Variants in HS6ST3 observed in about 807,000 individuals in gnomAD.
HS6ST3 encodes the protein heparan-sulfate 6-O-sulfotransferase 3.
HS6ST3 carries 12 observed loss-of-function variants against 36.7 expected under a neutral mutation model. That is an observed-to-expected ratio of 0.33 (90% confidence interval 0.21 to 0.53). HS6ST3 has a LOEUF of 0.53. HS6ST3 is among the 20% of genes least tolerant of loss of function. The pLI, the probability that HS6ST3 is intolerant of heterozygous loss-of-function variation, is 0.95. For missense variants in HS6ST3, 584 were observed against 640.9 expected (o/e 0.91, Z 0.96); for synonymous variants, 240 against 257.5 (o/e 0.93, Z 0.65).
chr13:96,592,720 A>T (rs2056387024), intron 1 of HS6ST3, among the ~76,000 whole-genome samples: 1 of 151,414 alleles, frequency 6.6e-6, no homozygotes, highest in Non-Finnish European at 1.5e-5. Context: ...AGGGTACAAT[A>T]TTTTTTTTCC....
intron 1 of HS6ST3, among the ~76,000 whole-genome samples, chr13:96,740,941 GCA>G (rs1876422265): frequency 6.6e-6 from 1 of 152,178 alleles, no homozygotes; most frequent in Non-Finnish European, 1.5e-5. Context: ...CCAGATAGCA[GCA>G]CGTAACTGTG....
chr13:96,266,042 G>T (rs1225329087), intron 1 of HS6ST3, among the ~76,000 whole-genome samples: 1 of 151,660 alleles, frequency 6.6e-6, no homozygotes, highest in Non-Finnish European at 1.5e-5. Context: ...CTCTTGCAGG[G>T]TTATTTTTTT....
rs902280935 is a variant in HS6ST3 at position 96,574,302 on chromosome 13, G to C, written c.708-258188G>C. On this transcript the variant is annotated intron_variant, in intron 1 of 1. Transcript: ENST00000376705. ...TTCATTAAGGAAAAAGGCATCAAAC[G>C]TACCGCCTCATTTTCACCTGAGTCC... 3 of 379,488 alleles carry C rather than the reference G, an allele frequency of 7.9e-6. No homozygotes were observed. In the East Asian group the frequency reaches 1.9e-4, roughly 24 times the overall value. The allele number at this position is 379,488 out of a possible 1,614,324, so 23.5% of individuals were successfully genotyped here.
At chr13:96,143,303 G>GTAA (rs2054040974) in intron 1 of HS6ST3, among the ~76,000 whole-genome samples, 1 of 151,444 alleles carries the variant, frequency 6.6e-6, no homozygotes, top group Admixed American at 6.6e-5. Context: ...TAGTGACACA[G>GTAA]TAATGTCTCT....
chr13:96,212,801 G>T (rs746523327), intron 1 of HS6ST3, among the ~76,000 whole-genome samples: 1 of 152,164 alleles, frequency 6.6e-6, no homozygotes, highest in Non-Finnish European at 1.5e-5. Flanking sequence ...ATATGGGTTT[G>T]CTGCTTCAGT....
At chr13:96,526,667 C>G (rs7993503) in intron 1 of HS6ST3, among the ~76,000 whole-genome samples, 2,686 of 152,222 alleles carry the variant, frequency 0.018, 81 homozygotes, top group African/African-American at 0.06. Flanking sequence ...TAAGTTGAAC[C>G]CTTTTCTTAT....
At chr13:96,591,679 G>T (rs1261582587) in intron 1 of HS6ST3, among the ~76,000 whole-genome samples, 5 of 151,974 alleles carry the variant, frequency 3.3e-5, no homozygotes, top group African/African-American at 1.2e-4. Context: ...CAAACTGGAT[G>T]CCCTTTATAT....
intron 1 of HS6ST3, among the ~76,000 whole-genome samples, chr13:96,291,489 A>G (rs909622420): frequency 6.6e-6 from 1 of 152,154 alleles, no homozygotes; most frequent in Non-Finnish European, 1.5e-5. Flanking sequence ...TCCACGTGCT[A>G]GTGTGGAAAG....
chr13:96,357,303 C>T (rs1045069316), intron 1 of HS6ST3, among the ~76,000 whole-genome samples: 5 of 152,294 alleles, frequency 3.3e-5, no homozygotes, highest in African/African-American at 7.2e-5. Flanking sequence ...GGCTAAATGG[C>T]GTAAGAGGCC....
chr13:96,741,933 T>C (rs1876449020), intron 1 of HS6ST3, among the ~76,000 whole-genome samples: 4 of 152,158 alleles, frequency 2.6e-5, no homozygotes, highest in Admixed American at 2.6e-4. Context: ...CTCTTCCCAT[T>C]CATGCTACTC....
chr13:96,182,159 T>A (rs1374205246), intron 1 of HS6ST3, among the ~76,000 whole-genome samples: 3 of 152,226 alleles, frequency 2.0e-5, no homozygotes, highest in Non-Finnish European at 4.4e-5. Context: ...AGGCTGTTCA[T>A]ATAAAACATT....
At chr13:96,234,010 A>T (rs1266201381) in intron 1 of HS6ST3, among the ~76,000 whole-genome samples, 2 of 152,022 alleles carry the variant, frequency 1.3e-5, no homozygotes, top group Non-Finnish European at 2.9e-5. Flanking sequence ...TGGATGGGAC[A>T]CACCATAGCA....
chr13:96,759,476 G>T (rs1027900944), intron 1 of HS6ST3, among the ~76,000 whole-genome samples: 1 of 151,588 alleles, frequency 6.6e-6, no homozygotes, highest in African/African-American at 2.4e-5. Flanking sequence ...TTACACTAGG[G>T]ATTATAATAT....
rs988492731 is a variant in HS6ST3 at position 96,574,117 on chromosome 13, CAG to C, written c.708-258372_708-258371del. The C allele has an allele frequency of 7.4e-6, 4 of 538,980 alleles. No homozygotes were observed. In the African/African-American group the frequency reaches 7.7e-5, roughly 10 times the overall value. 33.4% of individuals were successfully genotyped at this position (538,980 alleles called of 1,614,324 possible). ...CAGCCATGAATCTTTATTCAGGTCT[CAG>C]GGAATACGTTAGCCATTGCATTTAA... On this transcript the variant is annotated intron_variant, in intron 1 of 1. Coordinates refer to ENST00000376705, the MANE Select transcript of HS6ST3 (RefSeq NM_153456.4).
At chr13:96,368,695 A>C (rs1206732522) in intron 1 of HS6ST3, among the ~76,000 whole-genome samples, 1 of 152,140 alleles carries the variant, frequency 6.6e-6, no homozygotes, top group Admixed American at 6.5e-5. Flanking sequence ...GTTAGAAATC[A>C]TTCCATCCAT....
chr13:96,377,086 C>T (rs893790980), intron 1 of HS6ST3, among the ~76,000 whole-genome samples: 6 of 144,338 alleles, frequency 4.2e-5, no homozygotes, highest in East Asian at 2.0e-4. Flanking sequence ...ATAATTAGGC[C>T]GAGTTTGGTG....
intron 1 of HS6ST3, among the ~76,000 whole-genome samples, chr13:96,524,142 A>C (rs2056104706): frequency 6.6e-6 from 1 of 152,158 alleles, no homozygotes; most frequent in Admixed American, 6.5e-5. Flanking sequence ...GGAGTTTGCC[A>C]GAGGTTCACT....
At chr13:96,519,036 T>C (rs934361948) in intron 1 of HS6ST3, among the ~76,000 whole-genome samples, 2 of 152,228 alleles carry the variant, frequency 1.3e-5, no homozygotes, top group Admixed American at 6.5e-5. Flanking sequence ...AAATATGTAC[T>C]TTCTATTTTA....
chr13:96,200,982 A>G (rs968906878), intron 1 of HS6ST3, among the ~76,000 whole-genome samples: 2 of 152,166 alleles, frequency 1.3e-5, no homozygotes, highest in African/African-American at 4.8e-5. Context: ...AGTTCATGGC[A>G]GGTGGCCATG....
Sources: gnomAD v4.1 joint callset for allele counts (sites outside exome capture counted in the v4.1 genomes callset) on GRCh38, gnomAD v4.1.1 for gene constraint, MANE v1.5 for transcripts, NCBI Gene and HGNC (gene_info 2026-07-23, HGNC 2026-07-21) for gene names.